COX16: variants seen among roughly 807,000 people sequenced by gnomAD.
The protein encoded by COX16 is cytochrome c oxidase assembly factor COX16, also known as cytochrome c oxidase assembly protein COX16 homolog, mitochondrial.
A neutral mutation model predicts 15.4 loss-of-function variants in COX16; 12 were observed. That is an observed-to-expected ratio of 0.78 (90% CI 0.50 to 1.26). The LOEUF is 1.26. COX16 is among the 50% of genes most tolerant of loss of function. The pLI, the probability that COX16 is intolerant of heterozygous loss-of-function variation, is 0.00. For missense variants in COX16, 124 were observed against 127.6 expected (o/e 0.97, Z 0.14); for synonymous variants, 46 against 41.1 (o/e 1.12, Z -0.46).
At chr14:70,341,084 T>C (rs913774497) in intron 2 of COX16, among the ~76,000 whole-genome samples, 2 of 152,190 alleles carry the variant, frequency 1.3e-5, no homozygotes, top group African/African-American at 4.8e-5. Context: ...AAATATATAC[T>C]TATTTTCTCC....
intron 2 of COX16, among the ~76,000 whole-genome samples, chr14:70,335,603 T>TAA (rs58611844): frequency 0.15 from 21,064 of 136,640 alleles, 2,069 homozygotes; most frequent in East Asian, 0.49. Flanking sequence ...ACCAAAGAGT[T>TAA]AAAAAAAAAA....
intron 3 of COX16, 44 bp downstream of exon 3, chr14:70,329,130 G>A (rs1337606276): frequency 1.1e-5 from 16 of 1,523,554 alleles, no homozygotes; most frequent in Non-Finnish European, 1.4e-5. Flanking sequence ...GATAAAACCA[G>A]TAACTGATTG....
intron 2 of COX16, among the ~76,000 whole-genome samples, chr14:70,334,658 A>T (rs996827805): frequency 2.0e-5 from 3 of 152,236 alleles, no homozygotes; most frequent in Admixed American, 6.5e-5. Context: ...TTATATCTAT[A>T]GGATGTTTTC....
intron 2 of COX16, among the ~76,000 whole-genome samples, chr14:70,330,502 A>G (rs1214402473): frequency 2.6e-5 from 4 of 152,224 alleles, no homozygotes; most frequent in African/African-American, 7.2e-5. Context: ...CATAACCCTG[A>G]TATCAAATTT....
Position 70,329,382 on chromosome 14 carries a change from AATG to A in COX16, c.142-149_142-147del, listed in dbSNP as rs920338732. ...TCTCCACCATCTACTCTGATCACAT[AATG>A]ATAACTAATGTACTACTGCCAGCAT... On this transcript the variant is annotated intron_variant, in intron 2 of 3. Coordinates refer to ENST00000389912, the MANE Select transcript of COX16 (RefSeq NM_016468.7). The A allele has an allele frequency of 2.0e-5, 12 of 600,340 alleles. No homozygotes were observed. The Admixed American group carries it at 2.5e-4, about 13-fold the overall frequency. 37.2% of individuals were successfully genotyped at this position (600,340 alleles called of 1,614,324 possible).
chr14:70,349,858 T>G (rs1886893594), intron 1 of COX16, among the ~76,000 whole-genome samples: 1 of 152,234 alleles, frequency 6.6e-6, no homozygotes, highest in African/African-American at 2.4e-5. Context: ...TGCCTCTCCC[T>G]GTCCACACCG....
intron 1 of COX16, among the ~76,000 whole-genome samples, chr14:70,347,806 A>G (rs1004906370): frequency 6.6e-6 from 1 of 151,928 alleles, no homozygotes; most frequent in Non-Finnish European, 1.5e-5. Context: ...AGTCTCTCCC[A>G]CCTCTGCAAA....
intron 2 of COX16, among the ~76,000 whole-genome samples, chr14:70,331,168 C>T (rs947171884): frequency 6.6e-5 from 10 of 152,016 alleles, no homozygotes; most frequent in East Asian, 1.9e-4. Context: ...CCACTACGCC[C>T]GGCTAATTTT....
chr14:70,336,585 C>T (rs1050695004), intron 2 of COX16, among the ~76,000 whole-genome samples: 2 of 152,194 alleles, frequency 1.3e-5, no homozygotes, highest in African/African-American at 4.8e-5. Flanking sequence ...CACAAACCTA[C>T]AATACAAGTT....
At chr14:70,343,844 TACAATGGGGAATA>T (rs1266020092) in intron 1 of COX16, among the ~76,000 whole-genome samples, 1 of 152,204 alleles carries the variant, frequency 6.6e-6, no homozygotes, top group African/African-American at 2.4e-5. Flanking sequence ...ACAGGGGAAT[TACAATGGGGAATA>T]ACAATGGGGA....
chr14:70,356,365 G>A (rs1362792173), intron 1 of COX16, among the ~76,000 whole-genome samples: 1 of 152,076 alleles, frequency 6.6e-6, no homozygotes, highest in Non-Finnish European at 1.5e-5. Flanking sequence ...CCTCTGATCT[G>A]ACAGGAGGTG....
intron 2 of COX16, among the ~76,000 whole-genome samples, chr14:70,330,074 A>G (rs953239189): frequency 1.3e-5 from 2 of 152,170 alleles, no homozygotes; most frequent in African/African-American, 2.4e-5. Flanking sequence ...CTACATAGCA[A>G]TGAGTCCTCA....
At chr14:70,352,261 A>G (rs1886977805) in intron 1 of COX16, among the ~76,000 whole-genome samples, 1 of 152,180 alleles carries the variant, frequency 6.6e-6, no homozygotes, top group African/African-American at 2.4e-5. Flanking sequence ...ATCTCGGCTC[A>G]CTGCAACCTC....
chr14:70,339,335 A>C (rs1484862097), intron 2 of COX16, among the ~76,000 whole-genome samples: 1 of 152,214 alleles, frequency 6.6e-6, no homozygotes, highest in Non-Finnish European at 1.5e-5. Context: ...TGTTGCTTCC[A>C]GCCCTTACTT....
intron 2 of COX16, among the ~76,000 whole-genome samples, chr14:70,330,773 C>T (rs367606386): frequency 1.3e-5 from 2 of 152,036 alleles, no homozygotes; most frequent in African/African-American, 2.4e-5. Flanking sequence ...AGAGCAGTCA[C>T]GAAACAATGC....
Position 70,332,628 on chromosome 14 carries a change from C to G in COX16, c.142-3392G>C, listed in dbSNP as rs148602494. Among the ~76,000 whole-genome samples, 549 of 152,316 alleles carry G rather than the reference C, an allele frequency of 3.6e-3. 3 individuals carry two copies. Among genetic ancestry groups the G allele is most frequent in the African/African-American group, 0.013 (520 of 41,568 alleles). On this transcript the variant is annotated intron_variant, in intron 2 of 3. Coordinates refer to ENST00000389912, the MANE Select transcript of COX16 (RefSeq NM_016468.7). ...GCCATCCTCTCTTCTACAGTAGATC[C>G]CGAGGCAGCTCAGTCTCAGCTTCAG...
At chr14:70,344,094 C>T (rs955920364) in intron 1 of COX16, among the ~76,000 whole-genome samples, 4 of 152,128 alleles carry the variant, frequency 2.6e-5, no homozygotes, top group Admixed American at 6.6e-5. Context: ...CCCAATTACC[C>T]GTCTGGGTAA....
At chr14:70,352,645 C>CTTTTTTTTTTTTTTTTT (rs576495712) in intron 1 of COX16, among the ~76,000 whole-genome samples, 1 of 84,484 alleles carries the variant, frequency 1.2e-5, no homozygotes, top group Non-Finnish European at 2.4e-5. Context: ...CTTTTTTTTT[C>CTTTTTTTTTTTTTTTTT]TTTTTTTTTT....
chr14:70,347,591 A>T (rs953810945), intron 1 of COX16, among the ~76,000 whole-genome samples: 1 of 152,038 alleles, frequency 6.6e-6, no homozygotes, highest in Non-Finnish European at 1.5e-5. Flanking sequence ...CTCTCCTTCA[A>T]TGTGTTAATG....
Sources: allele counts gnomAD v4.1 joint callset (sites outside exome capture counted in the v4.1 genomes callset), GRCh38; gene constraint gnomAD v4.1.1; transcripts MANE v1.5; gene names NCBI Gene and HGNC (gene_info 2026-07-23, HGNC 2026-07-21).